The following PTPRZ1 variants were observed in gnomAD, a reference collection of about 807,000 sequenced individuals.
PTPRZ1 encodes protein tyrosine phosphatase receptor type Z1.
Under a neutral mutation model 214.1 loss-of-function variants are expected in PTPRZ1, and 82 were observed. The ratio of observed to expected loss-of-function variants is 0.38; its 90% confidence interval spans 0.32 to 0.46. The LOEUF (loss-of-function observed/expected upper bound fraction) is 0.46. Among genes scored for constraint, PTPRZ1 ranks in the 20% least tolerant of loss-of-function variants. PTPRZ1 has a pLI of 1.00. For missense variants in PTPRZ1, 2,603 were observed against 2,748.7 expected (o/e 0.95, Z 1.19); for synonymous variants, 945 against 987.9 (o/e 0.96, Z 0.81).
At chr7:121,930,130 A>T (rs1795880154) in intron 2 of PTPRZ1, among the ~76,000 whole-genome samples, 1 of 152,164 alleles carries the variant, frequency 6.6e-6, no homozygotes. Context: ...AACAATCAAG[A>T]TGTTTATCAG....
chr7:122,014,963 A>G (rs1798803610), intron 12 of PTPRZ1, among the ~76,000 whole-genome samples: 1 of 152,186 alleles, frequency 6.6e-6, no homozygotes, highest in Non-Finnish European at 1.5e-5. Flanking sequence ...TAGGTATTGT[A>G]TCACAAGATG....
intron 1 of PTPRZ1, among the ~76,000 whole-genome samples, chr7:121,874,307 A>C (rs564255460): frequency 6.6e-6 from 1 of 152,366 alleles, no homozygotes; most frequent in Admixed American, 6.5e-5. Context: ...TGCATTCAGC[A>C]ATAGCCAGTT....
intron 8 of PTPRZ1, among the ~76,000 whole-genome samples, chr7:121,989,677 A>G (rs1562847838): frequency 1.3e-5 from 2 of 152,154 alleles, no homozygotes; most frequent in Non-Finnish European, 2.9e-5. Context: ...CTCCACCGAA[A>G]GTTTTTTCTT....
Position 121,976,691 on chromosome 7 carries a change from A to G in PTPRZ1, c.553-94A>G, listed in dbSNP as rs559285318. ...TGGAACTTACTATTTTTTAATGCAC[A>G]TATTTAAAATGGAATTCATTAATCT... On this transcript the variant is annotated intron_variant, in intron 5 of 29. Coordinates refer to ENST00000393386, the MANE Select transcript of PTPRZ1 (RefSeq NM_002851.3). 5,873 of 1,003,812 alleles carry G rather than the reference A, an allele frequency of 5.9e-3. 30 individuals are homozygous for G. Among genetic ancestry groups the G allele is most frequent in the Non-Finnish European group, 6.9e-3 (4,899 of 706,182 alleles). 62.2% of individuals were successfully genotyped at this position (1,003,812 alleles called of 1,614,324 possible).
intron 13 of PTPRZ1, among the ~76,000 whole-genome samples, chr7:122,026,324 G>A (rs1017724001): frequency 3.3e-5 from 5 of 152,072 alleles, no homozygotes; most frequent in African/African-American, 1.2e-4. Context: ...GTTAAGATTC[G>A]TTGAAATATT....
At chr7:121,887,671 A>G (rs539782971) in intron 1 of PTPRZ1, among the ~76,000 whole-genome samples, 63 of 152,286 alleles carry the variant, frequency 4.1e-4, no homozygotes, top group African/African-American at 1.2e-3. Flanking sequence ...AAAGGGAAGA[A>G]AGATGACTGT....
chr7:121,932,455 G>A (rs187139467), intron 2 of PTPRZ1, among the ~76,000 whole-genome samples: 1 of 152,262 alleles, frequency 6.6e-6, no homozygotes, highest in Non-Finnish European at 1.5e-5. Flanking sequence ...TGAATGGCTT[G>A]AGGAAATTGG....
At position 122,012,045 on chromosome 7, in the gene PTPRZ1, C is replaced by T; in HGVS notation, c.2999C>T (p.Ser1000Phe). ...LSGDGEWSGA[S>F]SDSEFLLPDT... ...GGTGATGGGGAATGGTCTGGAGCCT[C>T]TTCTGATAGTGAATTTCTTTTACCT... The change falls in exon 12 of 30, where the codon TCT (serine) becomes TTT (phenylalanine). Residue 1000 changes from serine (S) to phenylalanine (F), a missense_variant. Coordinates refer to ENST00000393386, the MANE Select transcript of PTPRZ1 (RefSeq NM_002851.3). The T allele has an allele frequency of 6.2e-7, 1 of 1,614,234 alleles. No homozygotes were observed. The highest frequency in any genetic ancestry group is 8.5e-7 in the Non-Finnish European group (1 of 1,180,042).
intron 1 of PTPRZ1, among the ~76,000 whole-genome samples, chr7:121,911,801 A>G (rs1174928387): frequency 6.6e-6 from 1 of 152,008 alleles, no homozygotes; most frequent in Non-Finnish European, 1.5e-5. Flanking sequence ...TATATGAAAT[A>G]TGTTCATATG....
chr7:121,932,961 A>G (rs1795969432), intron 2 of PTPRZ1, among the ~76,000 whole-genome samples: 1 of 152,132 alleles, frequency 6.6e-6, no homozygotes, highest in African/African-American at 2.4e-5. Flanking sequence ...AAAAGTTAAT[A>G]TAGGAGGTTG....
chr7:121,880,055 G>T (rs1794188085), intron 1 of PTPRZ1, among the ~76,000 whole-genome samples: 1 of 152,138 alleles, frequency 6.6e-6, no homozygotes, highest in Non-Finnish European at 1.5e-5. Context: ...AATATCATTT[G>T]GGGGTCTTTG....
rs566033238 is a variant in PTPRZ1, at chr7:121,992,668, A to T, written c.929-3714A>T. Reference sequence around the variant, plus strand: ...TTTAGAATCTAAAACCACTCGTTACATCTGAGAGCTTACTAAATCTAAGTG... The same window carrying T: ...TTTAGAATCTAAAACCACTCGTTACTTCTGAGAGCTTACTAAATCTAAGTG... On this transcript the variant is annotated intron_variant, in intron 8 of 29. Transcript: ENST00000393386. Among the ~76,000 whole-genome samples, 6 of 152,340 alleles carry T rather than the reference A, an allele frequency of 3.9e-5. No individual in the cohort carries two copies. The South Asian group carries it at 1.2e-3, about 32-fold the overall frequency.
intron 6 of PTPRZ1, among the ~76,000 whole-genome samples, chr7:121,978,903 A>G (rs2116551925): frequency 6.6e-6 from 1 of 152,224 alleles, no homozygotes; most frequent in African/African-American, 2.4e-5. Context: ...CTGACTCTAG[A>G]AAATCCCCTA....
intron 8 of PTPRZ1, among the ~76,000 whole-genome samples, chr7:121,991,624 A>G (rs2116595139): frequency 6.6e-6 from 1 of 152,308 alleles, no homozygotes; most frequent in African/African-American, 2.4e-5. Flanking sequence ...TAAACACTGT[A>G]CTGCACCTAT....
chr7:121,953,414 T>C (rs1269343100), intron 2 of PTPRZ1, among the ~76,000 whole-genome samples: 1 of 152,206 alleles, frequency 6.6e-6, no homozygotes, highest in Non-Finnish European at 1.5e-5. Context: ...GGCAAACAGG[T>C]CTTTATGAAA....
chr7:121,919,704 T>G (rs1431531420), intron 1 of PTPRZ1, among the ~76,000 whole-genome samples: 4 of 152,136 alleles, frequency 2.6e-5, no homozygotes, highest in Non-Finnish European at 5.9e-5. Context: ...CCTTTGAACC[T>G]TCATACTTTT....
At chr7:121,947,756 T>C (rs1796428936) in intron 2 of PTPRZ1, among the ~76,000 whole-genome samples, 1 of 149,906 alleles carries the variant, frequency 6.7e-6, no homozygotes, top group Admixed American at 6.7e-5. Context: ...TATTTGAAGA[T>C]TTTTTTTTTA....
chr7:122,027,558 C>T (rs534701733), intron 13 of PTPRZ1, among the ~76,000 whole-genome samples: 29 of 152,188 alleles, frequency 1.9e-4, no homozygotes, highest in Admixed American at 8.5e-4. Context: ...GTGAGATTGT[C>T]GTTTTCAGTC....
chr7:122,058,554 T>TA (rs1162056576), intron 27 of PTPRZ1, among the ~76,000 whole-genome samples: 1 of 152,160 alleles, frequency 6.6e-6, no homozygotes, highest in Non-Finnish European at 1.5e-5. Context: ...CACCCACAGA[T>TA]AGAGTTTATT....
Sources: gnomAD v4.1 joint callset for allele counts (sites outside exome capture counted in the v4.1 genomes callset) on GRCh38, gnomAD v4.1.1 for gene constraint, MANE v1.5 for transcripts, NCBI Gene and HGNC (gene_info 2026-07-23, HGNC 2026-07-21) for gene names.